DSP: variants seen among roughly 807,000 people sequenced by gnomAD.
The protein encoded by DSP is 250/210 kDa paraneoplastic pemphigus antigen.
Under a neutral mutation model 290.6 loss-of-function variants are expected in DSP, and 114 were observed. The ratio of observed to expected loss-of-function variants is 0.39; its 90% CI spans 0.34 to 0.46. DSP has a LOEUF of 0.46. Ranked by LOEUF, DSP falls within the 20% of genes least tolerant of loss-of-function variation. The probability of loss-of-function intolerance (pLI) is 0.99; values close to 1 mark genes in which losing one functional copy is unlikely to be tolerated. For synonymous variants in DSP, 1,311 were observed against 1,316.4 expected (o/e 1.00, Z 0.09); for missense variants, 3,230 against 3,495.8 (o/e 0.92, Z 1.92).
intron 1 of DSP, among the ~76,000 whole-genome samples, chr6:7,552,990 C>T (rs766787140): frequency 6.6e-6 from 1 of 152,132 alleles, no homozygotes; most frequent in African/African-American, 2.4e-5. Flanking sequence ...ATGTACACTT[C>T]GGTGCGTTCA....
At chr6:7,569,153 T>A (rs568376458) in intron 11 of DSP, 33 bp from the exon 12 acceptor site, 1 of 1,614,096 alleles carries the variant, frequency 6.2e-7, no homozygotes, top group South Asian at 1.1e-5. Context: ...TACTTATGAA[T>A]AAAGCCAAAC....
At chr6:7,578,171 C>T (rs542280345) in intron 21 of DSP, among the ~76,000 whole-genome samples, 1 of 151,976 alleles carries the variant, frequency 6.6e-6, no homozygotes, top group East Asian at 1.9e-4. Context: ...AGAGAGACTT[C>T]TAAAAAGTGG....
At position 7,559,544 on chromosome 6, in the gene DSP, A is replaced by G. The variant is rs570119874; in HGVS notation, c.597+144A>G. On this transcript the variant is annotated intron_variant, in intron 4 of 23. Coordinates refer to ENST00000379802, the MANE Select transcript of DSP (RefSeq NM_004415.4). The stretch of plus-strand genomic sequence containing the variant: ...GCTGTTTGCAGGATTTTCCTCCTAT[A>G]CAATTTGAAAAGTGGTCTTCTATTT... The G allele has an allele frequency of 9.4e-5, 96 of 1,019,812 alleles. 1 individual carries two copies. The East Asian group carries it at 2.2e-3, about 24-fold the overall frequency. The allele number at this position is 1,019,812 out of a possible 1,614,324, so 63.2% of individuals were successfully genotyped here.
intron 1 of DSP, among the ~76,000 whole-genome samples, chr6:7,547,667 G>A (rs1041459834): frequency 2.0e-5 from 3 of 151,688 alleles, no homozygotes; most frequent in Non-Finnish European, 1.5e-5. Flanking sequence ...GAACTCCTGG[G>A]CTCAAGTGAT....
intron 2 of DSP, 107 bp from the exon 3 acceptor site, chr6:7,558,009 T>TA (rs747031426): frequency 4.6e-4 from 630 of 1,379,834 alleles, no homozygotes; most frequent in Non-Finnish European, 6.0e-4. Flanking sequence ...TGGCGAAACT[T>TA]ACAGTTTTTG....
intron 4 of DSP, among the ~76,000 whole-genome samples, chr6:7,559,830 A>G (rs575722254): frequency 2.0e-4 from 30 of 152,356 alleles, no homozygotes; most frequent in African/African-American, 7.2e-4. Context: ...TTCATTTAAA[A>G]TGGTCATAGA....
Position 7,586,604 on chromosome 6 carries a change from A to G in DSP, c.*726A>G, listed in dbSNP as rs1288519581. The G allele has an allele frequency of 6.6e-6, 1 of 152,224 alleles. No homozygotes were observed. Among genetic ancestry groups the G allele is most frequent in the Non-Finnish European group, 1.5e-5 (1 of 68,048 alleles). The allele number at this position is 152,224 out of a possible 1,614,324, so 9.4% of individuals were successfully genotyped here. The stretch of plus-strand genomic sequence containing the variant: ...TTGTGTTTTAATTTAATATGTTTAT[A>G]AGCATGTATAAACATTTAGCATATT... On this transcript the variant is annotated 3_prime_UTR_variant, in exon 24 of 24. Transcript: ENST00000379802.
intron 11 of DSP, 92 bp downstream of exon 11, chr6:7,568,681 A>T: frequency 7.4e-7 from 1 of 1,348,334 alleles, no homozygotes; most frequent in Non-Finnish European, 1.1e-6. Context: ...TCTAGAGTTC[A>T]ATAATCACCA....
chr6:7,555,890 C>T, intron 2 of DSP, 70 bp downstream of exon 2: 1 of 1,444,616 alleles, frequency 6.9e-7, no homozygotes, highest in Non-Finnish European at 9.6e-7. Flanking sequence ...TGGTTAGCTT[C>T]TGCTGGCCGG....
At chr6:7,551,757 G>A (rs181334089) in intron 1 of DSP, among the ~76,000 whole-genome samples, 7 of 152,290 alleles carry the variant, frequency 4.6e-5, no homozygotes, top group African/African-American at 1.4e-4. Context: ...AATCATTTCC[G>A]CTGAACTTCC....
chr6:7,548,824 A>G (rs924559221), intron 1 of DSP, among the ~76,000 whole-genome samples: 6 of 152,338 alleles, frequency 3.9e-5, no homozygotes, highest in African/African-American at 1.4e-4. Flanking sequence ...GAGATGAGCC[A>G]TAATACCCTC....
chr6:7,562,074 A>G (rs1758709078), intron 4 of DSP, among the ~76,000 whole-genome samples: 1 of 152,366 alleles, frequency 6.6e-6, no homozygotes, highest in East Asian at 1.9e-4. Flanking sequence ...TTGAGTAGAT[A>G]TAGTGACTTC....
In DSP at chr6:7,577,051, G is replaced by A; in HGVS notation, c.2877+9G>A. On this transcript the variant is annotated intron_variant, in intron 20 of 23. Coordinates refer to ENST00000379802, the MANE Select transcript of DSP (RefSeq NM_004415.4). ...GCGCCAATTCAATTAAGGTATGTTG[G>A]TTTCATAAAGAATGTTGGTATTTCA... 6.3e-7 allele frequency: 1 copy of A among 1,598,176 alleles called. No homozygotes were observed. Among genetic ancestry groups the A allele is most frequent in the Non-Finnish European group, 8.5e-7 (1 of 1,170,418 alleles).
In DSP at chr6:7,565,275, C is replaced by T; in HGVS notation, c.778-84C>T. 1.3e-6 allele frequency: 2 copies of T among 1,548,010 alleles called. No homozygotes were observed. The highest frequency in any genetic ancestry group is 8.9e-7 in the Non-Finnish European group (1 of 1,128,024). On this transcript the variant is annotated intron_variant, in intron 6 of 23. Coordinates refer to ENST00000379802, the MANE Select transcript of DSP (RefSeq NM_004415.4). This position sits in a 1 kb window ranked among gnomAD's most constrained non-coding sequence, Gnocchi z 4.2. ...CCGTGTGATTTTTTTTTTAAAGGGA[C>T]CACAGGTTTAATCTTTAAACCTGCA... is the stretch of plus-strand genomic sequence containing the variant.
At chr6:7,561,620 T>A (rs542696661) in intron 4 of DSP, among the ~76,000 whole-genome samples, 1 of 152,316 alleles carries the variant, frequency 6.6e-6, no homozygotes, top group Non-Finnish European at 1.5e-5. Flanking sequence ...ACGTTGCTAA[T>A]GTCCCACTGC....
chr6:7,574,364 T>A, intron 16 of DSP, 112 bp downstream of exon 16: 2 of 1,153,532 alleles, frequency 1.7e-6, no homozygotes, highest in South Asian at 2.6e-5. Flanking sequence ...AGAGATTTAC[T>A]TACATCCTTC....
At position 7,580,176 on chromosome 6, in the gene DSP, G is replaced by A; in HGVS notation, c.3986G>A (p.Arg1329Lys). Residue 1329 changes from arginine (R) to lysine (K), a missense_variant, in exon 23 of 24, where the codon AGA becomes AAA. Physicochemically the swap from Arg to Lys is conservative, Grantham distance 26. This residue lies in a region of DSP where 1,714 missense variants were observed against 1,844.5 expected (regional missense o/e 0.93). Coordinates refer to ENST00000379802, the MANE Select transcript of DSP (RefSeq NM_004415.4). This position sits in a 1 kb window ranked among gnomAD's most constrained non-coding sequence, Gnocchi z 4.2. ...TIQDKNKEIE[R>K]LKAEFQEEAK... ...CAGGACAAAAATAAGGAGATCGAGAGACTCAAAGCTGAGTTTCAGGAGGAG... is the reference window on the plus strand; with the variant it reads ...CAGGACAAAAATAAGGAGATCGAGAAACTCAAAGCTGAGTTTCAGGAGGAG... The A allele has an allele frequency of 6.2e-7, 1 of 1,614,052 alleles. No homozygotes were observed. Among genetic ancestry groups the A allele is most frequent in the Non-Finnish European group, 8.5e-7 (1 of 1,180,000 alleles).
Position 7,584,218 on chromosome 6 carries a change from G to A in DSP, c.6956G>A (p.Gly2319Asp), listed in dbSNP as rs762943687. Residue 2319 changes from glycine (G) to aspartate (D), a missense_variant, in exon 24 of 24, where the codon GGT (glycine) becomes GAT (aspartate). Gly to Asp is a moderately conservative substitution (Grantham distance 94). Around this residue, in one of 5 missense-constraint regions of DSP, gnomAD observed 207 missense variants for 281.2 expected, o/e 0.74. Transcript: ENST00000379802. This position sits in a 1 kb window ranked among gnomAD's most constrained non-coding sequence, Gnocchi z 6.4. The part of the protein sequence containing the change: ...RLPVEEAYKR[G>D]LVGIEFKEKL... ...CCAGTGGAGGAAGCCTACAAGAGAG[G>A]TCTGGTGGGCATTGAGTTCAAAGAG... 3 of 1,614,066 alleles carry A rather than the reference G, an allele frequency of 1.9e-6. No homozygotes were observed. The highest frequency in any genetic ancestry group is 2.5e-6 in the Non-Finnish European group (3 of 1,180,042).
intron 1 of DSP, among the ~76,000 whole-genome samples, chr6:7,547,914 C>G (rs1324674631): frequency 1.3e-5 from 2 of 152,074 alleles, no homozygotes; most frequent in Non-Finnish European, 2.9e-5. Flanking sequence ...TCTTATCACC[C>G]CGCCTCCATT....
Sources: gnomAD v4.1 joint callset for allele counts (sites outside exome capture counted in the v4.1 genomes callset) on GRCh38, gnomAD v4.1.1 for gene constraint, gnomAD v4.1.1 regional missense constraint, Gnocchi (gnomAD v3.1) non-coding constraint, MANE v1.5 for transcripts, NCBI Gene and HGNC (gene_info 2026-07-23, HGNC 2026-07-21) for gene names.